The following TNKS variants were observed in gnomAD, a reference collection of about 807,000 sequenced individuals.
TNKS encodes the protein poly [ADP-ribose] polymerase tankyrase-1.
Under a neutral mutation model 135.8 loss-of-function variants are expected in TNKS, and 72 were observed. The ratio of observed to expected loss-of-function variants is 0.53; its 90% CI spans 0.44 to 0.64. The LOEUF (loss-of-function observed/expected upper bound fraction) is 0.64, where lower values mean the gene tolerates loss of function less well. TNKS is among the 30% of genes least tolerant of loss of function. The pLI is 0.00. For missense variants in TNKS, 1,769 were observed against 1,674.0 expected, an observed-to-expected ratio of 1.06 and a Z score of -0.99; for synonymous variants, 849 against 649.3, an observed-to-expected ratio of 1.31 and a Z score of -4.68.
chr8:9,717,241 TC>T (rs1428177173), intron 11 of TNKS, among the ~76,000 whole-genome samples: 3 of 150,616 alleles, frequency 2.0e-5, no homozygotes, highest in African/African-American at 7.4e-5. Flanking sequence ...AAAAAACATT[TC>T]AAGTAAAATA....
rs148992781 is a variant in TNKS at position 9,653,266 on chromosome 8, T to C, written c.995-26685T>C. Among the ~76,000 whole-genome samples the C allele has an allele frequency of 1.8e-3, 268 of 152,240 alleles. 1 individual carries two copies. Among genetic ancestry groups the C allele is most frequent in the African/African-American group, 6.4e-3 (265 of 41,550 alleles). Reference sequence around the variant, plus strand: ...ATGAACTAACCACATCAAGCAAAGATAGGTTTGACTTCAGGGTCTGCTGGA... The same window carrying C: ...ATGAACTAACCACATCAAGCAAAGACAGGTTTGACTTCAGGGTCTGCTGGA... On this transcript the variant is annotated intron_variant, in intron 3 of 26. Transcript: ENST00000310430.
intron 3 of TNKS, among the ~76,000 whole-genome samples, chr8:9,626,756 G>C (rs905635109): frequency 3.9e-5 from 6 of 152,174 alleles, no homozygotes; most frequent in Non-Finnish European, 7.3e-5. Context: ...ACCCATGAGG[G>C]AGTTTTTAAT....
Position 9,556,425 on chromosome 8 carries a change from A to G in TNKS, c.486A>G (p.Thr162=). 6.2e-7 allele frequency: 1 copy of G among 1,614,160 alleles called. No homozygotes were observed. Among genetic ancestry groups the G allele is most frequent in the Non-Finnish European group, 8.5e-7 (1 of 1,180,020 alleles). Residue 162 remains threonine (T), a synonymous_variant, in exon 1 of 27, where the codon ACA becomes ACG. Coordinates refer to ENST00000310430, the MANE Select transcript of TNKS (RefSeq NM_003747.3). ...ESPEAAGVSS[T]APLGPGAAGP... ...CCGAGGCGGCCGGAGTTAGCAGCAC[A>G]GCACCACTGGGGCCTGGGGCAGCAG...
At chr8:9,654,229 C>G (rs1801258894) in intron 3 of TNKS, among the ~76,000 whole-genome samples, 1 of 152,182 alleles carries the variant, frequency 6.6e-6, no homozygotes, top group Non-Finnish European at 1.5e-5. Context: ...CCAAATCATA[C>G]TTGAGAGATC....
chr8:9,757,633 C>G (rs963706425), intron 20 of TNKS, among the ~76,000 whole-genome samples: 1 of 152,238 alleles, frequency 6.6e-6, no homozygotes, highest in South Asian at 2.1e-4. Context: ...CGAGAGTTCT[C>G]TTAGGGATTG....
intron 2 of TNKS, among the ~76,000 whole-genome samples, chr8:9,604,830 G>T (rs948061594): frequency 6.7e-6 from 1 of 149,968 alleles, no homozygotes; most frequent in Non-Finnish European, 1.5e-5. Flanking sequence ...AGCATGTTAG[G>T]CCTTTTAGTT....
In TNKS at chr8:9,728,037, A is replaced by G. The variant is rs114097553; in HGVS notation, c.2001+1317A>G. 1.2e-3 allele frequency among the ~76,000 whole-genome samples: 188 copies of G among 152,314 alleles called. 1 individual carries two copies. The highest frequency in any genetic ancestry group is 9.9e-3 in the South Asian group (48 of 4,830). On this transcript the variant is annotated intron_variant, in intron 13 of 26. Coordinates refer to ENST00000310430, the MANE Select transcript of TNKS (RefSeq NM_003747.3). ...TGATCATCTCAGTGCTTGAATTGCT[A>G]TATGTGCTTATTATAATTAATACAT...
intron 5 of TNKS, among the ~76,000 whole-genome samples, chr8:9,684,095 A>G (rs1317776279): frequency 1.3e-5 from 2 of 152,102 alleles, no homozygotes; most frequent in East Asian, 3.9e-4. Context: ...TTATTTAGTC[A>G]TCTTCTACCT....
At chr8:9,615,060 A>G (rs1315631361) in intron 2 of TNKS, among the ~76,000 whole-genome samples, 3 of 152,166 alleles carry the variant, frequency 2.0e-5, no homozygotes, top group African/African-American at 7.2e-5. Context: ...ACACATTACT[A>G]TGTCTGTTAA....
intron 25 of TNKS, among the ~76,000 whole-genome samples, chr8:9,769,612 C>CT (rs1163803220): frequency 0.042 from 3,087 of 73,448 alleles, 167 homozygotes; most frequent in African/African-American, 0.077. Context: ...CAGGCATTTT[C>CT]TTTTTTTTTT....
At chr8:9,593,791 A>G (rs912772104) in intron 2 of TNKS, among the ~76,000 whole-genome samples, 1 of 152,136 alleles carries the variant, frequency 6.6e-6, no homozygotes, top group Non-Finnish European at 1.5e-5. Flanking sequence ...TTGGAATGGC[A>G]CGGGATTGGG....
chr8:9,661,750 C>A (rs200981101), intron 3 of TNKS, among the ~76,000 whole-genome samples: 10 of 152,208 alleles, frequency 6.6e-5, no homozygotes, highest in South Asian at 2.1e-4. Context: ...TAATTAAACT[C>A]AAGAGCTTCT....
At chr8:9,767,118 G>T (rs187210051) in intron 25 of TNKS, among the ~76,000 whole-genome samples, 60 of 152,202 alleles carry the variant, frequency 3.9e-4, no homozygotes, top group Middle Eastern at 3.4e-3. Flanking sequence ...AAAAAACATA[G>T]ACTCTTTAAT....
At chr8:9,573,298 C>T (rs573511978) in intron 1 of TNKS, among the ~76,000 whole-genome samples, 3 of 152,146 alleles carry the variant, frequency 2.0e-5, no homozygotes, top group Non-Finnish European at 4.4e-5. Flanking sequence ...AGGGCTGCCA[C>T]ATGGTCAGAT....
rs544902525 is a variant in TNKS at position 9,567,162 on chromosome 8, C to T, written c.673+10550C>T. ...TTGGAAAGTACAGTAAAAAGTAGGGCATCATCTTCCCACCCCAAGGGAGCT... is the reference window on the plus strand; with the variant it reads ...TTGGAAAGTACAGTAAAAAGTAGGGTATCATCTTCCCACCCCAAGGGAGCT... On this transcript the variant is annotated intron_variant, in intron 1 of 26. Transcript: ENST00000310430. Among the ~76,000 whole-genome samples, 44 of 152,344 alleles carry T rather than the reference C, an allele frequency of 2.9e-4. 1 individual carries two copies. The South Asian group carries it at 8.5e-3, about 29-fold the overall frequency.
chr8:9,675,066 T>G (rs1164181980), intron 3 of TNKS, among the ~76,000 whole-genome samples: 1 of 152,188 alleles, frequency 6.6e-6, no homozygotes, highest in Non-Finnish European at 1.5e-5. Flanking sequence ...AGCCCATGTT[T>G]AAGTATAGCA....
At chr8:9,589,818 A>T (rs760557166) in intron 2 of TNKS, among the ~76,000 whole-genome samples, 10 of 152,228 alleles carry the variant, frequency 6.6e-5, no homozygotes, top group African/African-American at 2.4e-4. Context: ...GAACCATCTC[A>T]TGCCTTCAAC....
At chr8:9,729,929 A>G (rs1246137405) in intron 13 of TNKS, among the ~76,000 whole-genome samples, 1 of 151,728 alleles carries the variant, frequency 6.6e-6, no homozygotes, top group Non-Finnish European at 1.5e-5. Context: ...GGCACGCGCC[A>G]CCATGCCCAG....
intron 18 of TNKS, among the ~76,000 whole-genome samples, chr8:9,750,040 A>G (rs1473417399): frequency 6.6e-6 from 1 of 152,216 alleles, no homozygotes; most frequent in African/African-American, 2.4e-5. Context: ...TTTTCAAGAC[A>G]GGTCCCTCTC....
Sources: gnomAD v4.1 joint callset for allele counts (sites outside exome capture counted in the v4.1 genomes callset) on GRCh38, gnomAD v4.1.1 for gene constraint, MANE v1.5 for transcripts, NCBI Gene and HGNC (gene_info 2026-07-23, HGNC 2026-07-21) for gene names.